The following SLC39A11 variants were observed in gnomAD, a reference collection of about 807,000 sequenced individuals.
SLC39A11 encodes the protein solute carrier family 39 member 11.
In SLC39A11, 33 loss-of-function variants were observed where a neutral mutation model predicts 36.1. The ratio of observed to expected loss-of-function variants is 0.91; its 90% CI spans 0.69 to 1.22. The LOEUF (loss-of-function observed/expected upper bound fraction) is 1.22, where lower values mean the gene tolerates loss of function less well. Among genes scored for constraint, SLC39A11 ranks in the 50% most tolerant of loss-of-function variants. The pLI, the probability that SLC39A11 is intolerant of heterozygous loss-of-function variation, is 0.00. For synonymous variants in SLC39A11, 166 were observed against 170.3 expected (o/e 0.97, Z 0.20); for missense variants, 432 against 430.3 (o/e 1.00, Z -0.03).
chr17:72,855,944 GC>G (rs1481591755), intron 5 of SLC39A11, among the ~76,000 whole-genome samples: 1 of 150,990 alleles, frequency 6.6e-6, no homozygotes, highest in Non-Finnish European at 1.5e-5. Flanking sequence ...TATTGTCCCT[GC>G]CTTCTTGTTT....
rs559541410 is a variant in SLC39A11 at position 72,795,328 on chromosome 17, C to A, written c.601+54306G>T. 1.8e-4 allele frequency among the ~76,000 whole-genome samples: 28 copies of A among 152,188 alleles called. No homozygotes were observed. The South Asian group carries it at 2.3e-3, about 12-fold the overall frequency. ...CCAAGCTCACCTGTGCAGCTGCTGG[C>A]TTGGAGTTTCAGTCCCTTGGCATCA... is the stretch of plus-strand genomic sequence containing the variant. On this transcript the variant is annotated intron_variant, in intron 6 of 9. Coordinates refer to ENST00000255559, the MANE Select transcript of SLC39A11 (RefSeq NM_139177.4).
At chr17:73,037,587 C>T (rs149559899) in intron 3 of SLC39A11, among the ~76,000 whole-genome samples, 2 of 152,356 alleles carry the variant, frequency 1.3e-5, no homozygotes, top group East Asian at 1.9e-4. Context: ...GCTGTGACCC[C>T]GCCTGTAAAG....
chr17:72,786,300 C>A (rs909036922), intron 6 of SLC39A11, among the ~76,000 whole-genome samples: 1 of 152,220 alleles, frequency 6.6e-6, no homozygotes, highest in Non-Finnish European at 1.5e-5. Context: ...AATACTGTAA[C>A]TACAGATATC....
intron 7 of SLC39A11, among the ~76,000 whole-genome samples, chr17:72,650,907 C>CTAA (rs2069820612): frequency 6.6e-6 from 1 of 152,184 alleles, no homozygotes; most frequent in Admixed American, 6.5e-5. Flanking sequence ...CGGCTGAGGC[C>CTAA]CAAGTTCCAG....
At chr17:72,879,574 G>A (rs2081091436) in intron 5 of SLC39A11, among the ~76,000 whole-genome samples, 1 of 152,164 alleles carries the variant, frequency 6.6e-6, no homozygotes, top group Non-Finnish European at 1.5e-5. Flanking sequence ...AGGACAGGAG[G>A]TTTTGTCTGT....
chr17:72,777,168 G>A (rs191611416), intron 6 of SLC39A11, among the ~76,000 whole-genome samples: 31 of 152,184 alleles, frequency 2.0e-4, no homozygotes, highest in African/African-American at 7.0e-4. Flanking sequence ...AATCCCTATC[G>A]AACTATGTGC....
At chr17:72,938,856 A>G (rs2147564849) in intron 5 of SLC39A11, among the ~76,000 whole-genome samples, 1 of 152,324 alleles carries the variant, frequency 6.6e-6, no homozygotes, top group Admixed American at 6.5e-5. Flanking sequence ...AGCAAATGTT[A>G]AATTTTGCAT....
At chr17:73,090,746 G>A (rs1414614642) in intron 1 of SLC39A11, among the ~76,000 whole-genome samples, 1 of 152,158 alleles carries the variant, frequency 6.6e-6, no homozygotes, top group Non-Finnish European at 1.5e-5. Flanking sequence ...CAGAACAGAG[G>A]GAGCTCGTGG....
chr17:72,969,683 G>A (rs1268597552), intron 4 of SLC39A11, among the ~76,000 whole-genome samples: 1 of 151,476 alleles, frequency 6.6e-6, no homozygotes, highest in Non-Finnish European at 1.5e-5. Flanking sequence ...CAAAACCTAT[G>A]TATATAAATA....
intron 5 of SLC39A11, among the ~76,000 whole-genome samples, chr17:72,899,575 C>A (rs1218430431): frequency 6.6e-6 from 1 of 152,166 alleles, no homozygotes; most frequent in Non-Finnish European, 1.5e-5. Context: ...GTGCTATTCT[C>A]ATCATCAGGA....
intron 5 of SLC39A11, among the ~76,000 whole-genome samples, chr17:72,904,828 C>T (rs1329750747): frequency 1.3e-5 from 2 of 152,166 alleles, no homozygotes; most frequent in African/African-American, 4.8e-5. Context: ...AGAACCTTTC[C>T]CCCTCCTGGA....
At chr17:72,978,384 C>T (rs560167478) in intron 4 of SLC39A11, among the ~76,000 whole-genome samples, 12 of 152,194 alleles carry the variant, frequency 7.9e-5, no homozygotes, top group Non-Finnish European at 1.6e-4. Flanking sequence ...GTGGGGAAAC[C>T]GATGATAAAG....
intron 7 of SLC39A11, among the ~76,000 whole-genome samples, chr17:72,678,695 AAG>A (rs970419847): frequency 6.7e-6 from 1 of 148,420 alleles, no homozygotes; most frequent in Non-Finnish European, 1.5e-5. Context: ...AGAAAAAAAA[AAG>A]AGAGAAACTC....
chr17:72,963,688 T>A (rs913841037), intron 4 of SLC39A11, among the ~76,000 whole-genome samples: 1 of 152,170 alleles, frequency 6.6e-6, no homozygotes, highest in Non-Finnish European at 1.5e-5. Flanking sequence ...TCCAAACTCA[T>A]AGGAGGAATC....
chr17:72,674,976 G>A lies in SLC39A11; in HGVS notation c.672-25708C>T, dbSNP rs1046444485. On this transcript the variant is annotated intron_variant, in intron 7 of 9. Coordinates refer to ENST00000255559, the MANE Select transcript of SLC39A11 (RefSeq NM_139177.4). ...CAAGTCGTTCATTGGAAAAAAAAGT[G>A]TGTGTGCGTATGTGTGTGTGTGTGT... is the stretch of plus-strand genomic sequence containing the variant. Among the ~76,000 whole-genome samples the A allele has an allele frequency of 3.0e-5, 3 of 101,364 alleles. No homozygotes were observed. The Admixed American group carries it at 3.5e-4, about 12-fold the overall frequency. 66.5% of individuals were successfully genotyped at this position (101,364 alleles called of 152,430 possible).
rs555136793 is a variant in SLC39A11 at position 72,901,921 on chromosome 17, AAAGAT to A, written c.430+45826_430+45830del. ...GAAACAGGGTCTTTGCAGAGGTCAT[AAAGAT>A]AAGGCCATCTTGGATTGGGGTGGGC... On this transcript the variant is annotated intron_variant, in intron 5 of 9. Transcript: ENST00000255559. Among the ~76,000 whole-genome samples the A allele has an allele frequency of 1.9e-4, 29 of 152,300 alleles. No individual in the cohort carries two copies. The South Asian group carries it at 2.1e-3, about 11-fold the overall frequency.
At chr17:72,785,459 C>T (rs780806615) in intron 6 of SLC39A11, among the ~76,000 whole-genome samples, 1 of 152,152 alleles carries the variant, frequency 6.6e-6, no homozygotes, top group Non-Finnish European at 1.5e-5. Flanking sequence ...CTCAGGAGCA[C>T]GTGAAGACAT....
intron 4 of SLC39A11, among the ~76,000 whole-genome samples, chr17:73,019,439 G>A (rs2058270929): frequency 6.6e-6 from 1 of 152,160 alleles, no homozygotes; most frequent in Admixed American, 6.6e-5. Context: ...GGGATAAATA[G>A]ATGTATAGTG....
In SLC39A11 at chr17:72,823,144, G is replaced by GA. The variant is rs770713319; in HGVS notation, c.601+26489dup. The stretch of plus-strand genomic sequence containing the variant: ...GTGCCTGCCCCAAGACAAAATGGAA[G>GA]AAAAATCAACAAATACCGTGAGAAC... On this transcript the variant is annotated intron_variant, in intron 6 of 9. Coordinates refer to ENST00000255559, the MANE Select transcript of SLC39A11 (RefSeq NM_139177.4). Among the ~76,000 whole-genome samples the GA allele has an allele frequency of 1.6e-4, 24 of 151,286 alleles. 1 individual carries two copies. The highest frequency in any genetic ancestry group is 3.3e-4 in the Non-Finnish European group (22 of 67,450).
Sources: allele counts gnomAD v4.1 joint callset (sites outside exome capture counted in the v4.1 genomes callset), GRCh38; gene constraint gnomAD v4.1.1; transcripts MANE v1.5; gene names NCBI Gene and HGNC (gene_info 2026-07-23, HGNC 2026-07-21).